The following PIP5K1B variants were observed in gnomAD, a reference collection of about 807,000 sequenced individuals.
The protein encoded by PIP5K1B is phosphatidylinositol-4-phosphate 5-kinase type 1 beta, also known as phosphatidylinositol 4-phosphate 5-kinase type-1 beta.
Under a neutral mutation model 67.0 loss-of-function variants are expected in PIP5K1B, and 42 were observed. The observed-to-expected ratio is 0.63, with a 90% CI of 0.49 to 0.81. PIP5K1B has a LOEUF of 0.81. Among genes scored for constraint, PIP5K1B ranks in the 30% least tolerant of loss-of-function variants. The pLI is 0.00. For synonymous variants in PIP5K1B, 214 were observed against 231.4 expected, an observed-to-expected ratio of 0.92 and a Z score of 0.68; for missense variants, 459 against 646.3, an observed-to-expected ratio of 0.71 and a Z score of 3.14.
chr9:68,947,447 G>A (rs188162472), intron 14 of PIP5K1B, among the ~76,000 whole-genome samples: 26 of 152,310 alleles, frequency 1.7e-4, no homozygotes, highest in Admixed American at 1.6e-3. Context: ...CTCCTGCAAT[G>A]CCTTGACTGA....
chr9:68,789,531 G>A (rs1831839662), intron 2 of PIP5K1B: 2 of 516,552 alleles, frequency 3.9e-6, no homozygotes, highest in African/African-American at 1.9e-5. Flanking sequence ...AGGGATAACT[G>A]GAGGCACACT....
intron 14 of PIP5K1B, among the ~76,000 whole-genome samples, chr9:68,958,507 G>T (rs947675381): frequency 6.6e-6 from 1 of 152,120 alleles, no homozygotes; most frequent in East Asian, 1.9e-4. Context: ...ACAAGAGAGC[G>T]GTTTGTGCAA....
intron 4 of PIP5K1B, among the ~76,000 whole-genome samples, chr9:68,840,687 C>T (rs962384354): frequency 8.5e-5 from 13 of 152,138 alleles, no homozygotes; most frequent in South Asian, 8.3e-4. Flanking sequence ...CTCACTCACC[C>T]GCTCCTTTGC....
At chr9:68,724,732 T>C (rs1587346105) in intron 1 of PIP5K1B, among the ~76,000 whole-genome samples, 1 of 152,210 alleles carries the variant, frequency 6.6e-6, no homozygotes, top group Non-Finnish European at 1.5e-5. Flanking sequence ...ATTTGATCAC[T>C]GTTCACATAT....
chr9:68,842,988 ATC>A (rs759172584), intron 4 of PIP5K1B, among the ~76,000 whole-genome samples: 11 of 152,214 alleles, frequency 7.2e-5, no homozygotes, highest in Non-Finnish European at 1.3e-4. Flanking sequence ...GCTGTCTCAG[ATC>A]TCTGTTCTCA....
chr9:68,726,064 A>G (rs1355331809), intron 1 of PIP5K1B, among the ~76,000 whole-genome samples: 1 of 152,316 alleles, frequency 6.6e-6, no homozygotes, highest in East Asian at 1.9e-4. Flanking sequence ...TTAACTGGAC[A>G]TTTCTCAAAT....
intron 2 of PIP5K1B, among the ~76,000 whole-genome samples, chr9:68,791,902 A>C (rs1831991747): frequency 1.3e-5 from 2 of 152,316 alleles, no homozygotes; most frequent in Non-Finnish European, 2.9e-5. Context: ...AGCTGCCTGC[A>C]GTTCAGTGTT....
At chr9:68,988,967 C>T (rs989045026) in intron 14 of PIP5K1B, among the ~76,000 whole-genome samples, 22 of 151,512 alleles carry the variant, frequency 1.5e-4, no homozygotes, top group Non-Finnish European at 2.8e-4. Context: ...TGGTGGCGGG[C>T]GCCTGTAATC....
chr9:68,845,188 G>A (rs990476981), intron 4 of PIP5K1B, among the ~76,000 whole-genome samples: 1 of 152,192 alleles, frequency 6.6e-6, no homozygotes, highest in East Asian at 1.9e-4. Context: ...ACAGCCCCCT[G>A]GTGGCAGAAG....
chr9:68,940,752 G>C lies in PIP5K1B; in HGVS notation c.1464G>C (p.Glu488Asp). ...CATCTTCTTCCTTATACGTCAATGA[G>C]CACTATCCACACGACAGGCCTACAC... ...TISSSSLYVNEHYPHDRPTLY... is the reference protein window; with the variant it reads ...TISSSSLYVNDHYPHDRPTLY... Residue 488 changes from glutamate to aspartate, a missense_variant, in exon 14 of 16, where the codon GAG (glutamate) becomes GAC (aspartate). By Grantham distance (45) the Glu-to-Asp change is conservative. Coordinates refer to ENST00000265382, the MANE Select transcript of PIP5K1B (RefSeq NM_003558.4). The C allele has an allele frequency of 3.7e-6, 6 of 1,613,758 alleles. No homozygotes were observed. The highest frequency in any genetic ancestry group is 5.1e-6 in the Non-Finnish European group (6 of 1,179,792).
At chr9:68,738,826 A>C (rs1828866060) in intron 1 of PIP5K1B, among the ~76,000 whole-genome samples, 1 of 152,052 alleles carries the variant, frequency 6.6e-6, no homozygotes, top group African/African-American at 2.4e-5. Flanking sequence ...AACTATCCAC[A>C]TTTTCAACGC....
intron 2 of PIP5K1B, among the ~76,000 whole-genome samples, chr9:68,787,050 G>A (rs1831665810): frequency 6.6e-6 from 1 of 152,166 alleles, no homozygotes; most frequent in African/African-American, 2.4e-5. Flanking sequence ...CTGCACTGCG[G>A]TTATGGGATT....
At chr9:68,826,972 G>A (rs986736984) in intron 4 of PIP5K1B, among the ~76,000 whole-genome samples, 6 of 152,074 alleles carry the variant, frequency 3.9e-5, no homozygotes, top group East Asian at 1.9e-4. Context: ...GACTGATCTC[G>A]AACTCCTGAG....
intron 5 of PIP5K1B, among the ~76,000 whole-genome samples, chr9:68,869,710 G>T (rs1823539154): frequency 2.0e-5 from 3 of 152,188 alleles, no homozygotes; most frequent in African/African-American, 7.2e-5. Flanking sequence ...GGCTGCAGTG[G>T]CTCACGCCCG....
intron 15 of PIP5K1B, among the ~76,000 whole-genome samples, chr9:69,005,494 A>T (rs1008598733): frequency 5.3e-5 from 8 of 151,884 alleles, no homozygotes; most frequent in Non-Finnish European, 7.4e-5. Context: ...TTCAAGCAAT[A>T]CTCCTCCAAG....
chr9:68,748,080 T>C (rs1246370861), intron 2 of PIP5K1B, among the ~76,000 whole-genome samples: 1 of 152,100 alleles, frequency 6.6e-6, no homozygotes, highest in Non-Finnish European at 1.5e-5. Context: ...ACCCCTAATC[T>C]GCTTTCTGTT....
intron 6 of PIP5K1B, among the ~76,000 whole-genome samples, chr9:68,888,736 G>A (rs897464985): frequency 2.6e-5 from 4 of 152,184 alleles, no homozygotes; most frequent in South Asian, 2.1e-4. Flanking sequence ...TGATTCTATC[G>A]CATGACTCTG....
intron 14 of PIP5K1B, among the ~76,000 whole-genome samples, chr9:68,964,387 G>A (rs374192422): frequency 7.2e-5 from 11 of 152,318 alleles, no homozygotes; most frequent in South Asian, 2.1e-4. Context: ...GTAAACATCC[G>A]ATCTTAGCTA....
At chr9:68,935,417 G>C (rs1213842199) in intron 13 of PIP5K1B, among the ~76,000 whole-genome samples, 1 of 152,152 alleles carries the variant, frequency 6.6e-6, no homozygotes, top group East Asian at 1.9e-4. Flanking sequence ...GCAATGAGCT[G>C]AGATTGCACC....
Sources: gnomAD v4.1 joint callset for allele counts (sites outside exome capture counted in the v4.1 genomes callset) on GRCh38, gnomAD v4.1.1 for gene constraint, MANE v1.5 for transcripts, NCBI Gene and HGNC (gene_info 2026-07-23, HGNC 2026-07-21) for gene names.